Variants in ABAT observed in about 807,000 individuals in gnomAD.
ABAT encodes 4-aminobutyrate aminotransferase.
ABAT carries 45 observed loss-of-function variants against 64.6 expected under a neutral mutation model. That is an observed-to-expected ratio of 0.70 (90% confidence interval 0.55 to 0.89). ABAT has a LOEUF of 0.89. Among genes scored for constraint, ABAT ranks in the 40% least tolerant of loss-of-function variants. The pLI, the probability that ABAT is intolerant of heterozygous loss-of-function variation, is 0.00. For synonymous variants in ABAT, 297 were observed against 250.5 expected, an observed-to-expected ratio of 1.19 and a Z score of -1.75; for missense variants, 633 against 658.4, an observed-to-expected ratio of 0.96 and a Z score of 0.42.
At chr16:8,771,046 G>A (rs536805165) in intron 11 of ABAT, among the ~76,000 whole-genome samples, 38 of 151,996 alleles carry the variant, frequency 2.5e-4, no homozygotes, top group Non-Finnish European at 4.6e-4. Flanking sequence ...CTGTAACTGC[G>A]ACACTTTGGG....
In ABAT at chr16:8,764,723, T is replaced by A. The variant is rs2302608; in HGVS notation, c.448-15T>A. On this transcript the variant is annotated splice_polypyrimidine_tract_variant and intron_variant, in intron 7 of 15. Coordinates refer to ENST00000268251, the MANE Select transcript of ABAT (RefSeq NM_020686.6). The surrounding 1 kb of genome is among the most constrained non-coding windows in gnomAD (Gnocchi z 4.2). The stretch of plus-strand genomic sequence containing the variant: ...CATGATGAGCCTGGGCTCACGGCTA[T>A]TTCCCTCCCCACAGGTGGCTCCCAA... The A allele has an allele frequency of 0.91, 1,469,758 of 1,613,044 alleles. 671,654 individuals are homozygous for A. The highest frequency in any genetic ancestry group is 0.94 in the Admixed American group (56,213 of 60,008).
intron 6 of ABAT, among the ~76,000 whole-genome samples, chr16:8,759,719 T>C (rs911119356): frequency 3.9e-5 from 6 of 152,132 alleles, no homozygotes; most frequent in African/African-American, 1.2e-4. Flanking sequence ...TTTTCTTTTG[T>C]TTTTGGTAGA....
intron 1 of ABAT, among the ~76,000 whole-genome samples, chr16:8,707,382 G>A (rs1355222527): frequency 7.8e-6 from 1 of 127,910 alleles, no homozygotes; most frequent in Non-Finnish European, 1.6e-5. Context: ...GCGGAGACAG[G>A]GTTTCACTAT....
At chr16:8,737,521 T>A (rs2058983109) in intron 2 of ABAT, 2 of 151,216 alleles carry the variant, frequency 1.3e-5, no homozygotes, top group Admixed American at 6.6e-5. Context: ...TTAAAAATTT[T>A]AGATTTACAG....
intron 6 of ABAT, among the ~76,000 whole-genome samples, chr16:8,762,496 G>A (rs577517439): frequency 2.7e-4 from 41 of 152,308 alleles, no homozygotes; most frequent in African/African-American, 9.9e-4. Flanking sequence ...AGCCACTTAA[G>A]CCAAAGCCAA....
Position 8,781,069 on chromosome 16 carries a change from T to G in ABAT, c.1382-240T>G, listed in dbSNP as rs2143006781. On this transcript the variant is annotated intron_variant, in intron 15 of 15. Transcript: ENST00000268251. The surrounding 1 kb of genome is among the most constrained non-coding windows in gnomAD (Gnocchi z 4.5). ...GGGAGGGAGGAAGGGAAAAAGGAAG[T>G]GTGGAGGGAAGGAAAGGAAGAAGAG... Among the ~76,000 whole-genome samples, 1 of 149,738 alleles carries G rather than the reference T, an allele frequency of 6.7e-6. No individual in the cohort carries two copies. Among genetic ancestry groups the G allele is most frequent in the Admixed American group, 6.7e-5 (1 of 15,030 alleles).
At chr16:8,703,777 C>T (rs929286731) in intron 1 of ABAT, among the ~76,000 whole-genome samples, 1 of 152,132 alleles carries the variant, frequency 6.6e-6, no homozygotes, top group Non-Finnish European at 1.5e-5. Context: ...CATGGGGGAC[C>T]AGCAAACTGT....
At chr16:8,712,843 G>C (rs1011042210) in intron 1 of ABAT, 6 of 152,258 alleles carry the variant, frequency 3.9e-5, no homozygotes, top group Admixed American at 3.9e-4. Context: ...CGGTGATTTA[G>C]AACCAGTGTG....
At chr16:8,706,977 G>A (rs2057959741) in intron 1 of ABAT, among the ~76,000 whole-genome samples, 1 of 152,096 alleles carries the variant, frequency 6.6e-6, no homozygotes, top group South Asian at 2.1e-4. Flanking sequence ...TGCCCTCCCG[G>A]AATCAGAGGG....
chr16:8,764,682 G>A lies in ABAT; in HGVS notation c.448-56G>A. The A allele has an allele frequency of 6.6e-7, 1 of 1,507,568 alleles. No individual in the cohort carries two copies. The highest frequency in any genetic ancestry group is 9.2e-7 in the Non-Finnish European group (1 of 1,083,630). The allele number at this position is 1,507,568 out of a possible 1,614,324, so 93.4% of individuals were successfully genotyped here. A position where few individuals can be genotyped will look rare whatever the true frequency, so the allele number is the denominator to read the frequency against. On this transcript the variant is annotated intron_variant, in intron 7 of 15. Coordinates refer to ENST00000268251, the MANE Select transcript of ABAT (RefSeq NM_020686.6). The surrounding 1 kb of genome is among the most constrained non-coding windows in gnomAD (Gnocchi z 4.2). The stretch of plus-strand genomic sequence containing the variant: ...GAAGATTCAGCTCCAGCCAGGGGAA[G>A]CGGGAGGACAGGAGTCATGATGAGC...
At chr16:8,769,814 T>C (rs1393283187) in intron 11 of ABAT, among the ~76,000 whole-genome samples, 1 of 152,122 alleles carries the variant, frequency 6.6e-6, no homozygotes, top group Non-Finnish European at 1.5e-5. Flanking sequence ...AGGGAAGACA[T>C]TGGAAGTAAT....
chr16:8,764,144 C>T lies in ABAT; in HGVS notation c.442C>T (p.Leu148Phe). The change falls in exon 7 of 16, where the codon CTC (leucine) becomes TTC (phenylalanine). Residue 148 changes from leucine (L) to phenylalanine (F), a missense_variant. Physicochemically the swap from Leu to Phe is conservative, Grantham distance 22. Coordinates refer to ENST00000268251, the MANE Select transcript of ABAT (RefSeq NM_020686.6). This position sits in a 1 kb window ranked among gnomAD's most constrained non-coding sequence, Gnocchi z 4.2. The part of the protein sequence containing the change: ...NFVEKLRQSL[L>F]SVAPKGMSQL... Reference sequence around the variant, plus strand: ...TGTGGAGAAGCTCCGGCAGTCCTTGCTCTCGGTGAGTTCTGGAGAAGCAAT... The same window carrying T: ...TGTGGAGAAGCTCCGGCAGTCCTTGTTCTCGGTGAGTTCTGGAGAAGCAAT... 3.7e-6 allele frequency: 6 copies of T among 1,613,312 alleles called. No homozygotes were observed. The highest frequency in any genetic ancestry group is 5.1e-6 in the Non-Finnish European group (6 of 1,179,902).
At chr16:8,726,433 GT>G (rs111692206) in intron 1 of ABAT, among the ~76,000 whole-genome samples, 1 of 151,454 alleles carries the variant, frequency 6.6e-6, no homozygotes, top group South Asian at 2.1e-4. Flanking sequence ...GATGATTTTT[GT>G]TTTTTGTAGA....
intron 1 of ABAT, among the ~76,000 whole-genome samples, chr16:8,714,186 A>G (rs1052515210): frequency 7.2e-5 from 11 of 152,254 alleles, no homozygotes; most frequent in African/African-American, 2.7e-4. Flanking sequence ...GCTCTTATCA[A>G]TAGGCTTGCA....
At chr16:8,745,597 T>C (rs1040445484) in intron 2 of ABAT, among the ~76,000 whole-genome samples, 2 of 152,054 alleles carry the variant, frequency 1.3e-5, no homozygotes, top group Admixed American at 1.3e-4. Context: ...CTCAGGAGGC[T>C]GAGGCAGAAG....
intron 1 of ABAT, among the ~76,000 whole-genome samples, chr16:8,698,630 G>T (rs142146957): frequency 6.6e-6 from 1 of 151,578 alleles, no homozygotes; most frequent in African/African-American, 2.4e-5. Context: ...CACTGCGCCC[G>T]GCCTTCTGGC....
intron 1 of ABAT, among the ~76,000 whole-genome samples, chr16:8,680,344 T>C (rs760606861): frequency 1.3e-5 from 2 of 152,214 alleles, no homozygotes; most frequent in Non-Finnish European, 2.9e-5. Context: ...CAAGGAGCAT[T>C]GACTGAATGC....
Position 8,678,770 on chromosome 16 carries a change from A to AT in ABAT, c.-42+4063dup, listed in dbSNP as rs200807868. The stretch of plus-strand genomic sequence containing the variant: ...TGCATTCATGTGGGAGAATGAGTAG[A>AT]TTTTAGATGAATGAGGTGGATCCAC... On this transcript the variant is annotated intron_variant, in intron 1 of 15. Transcript: ENST00000268251. 1.2e-3 allele frequency among the ~76,000 whole-genome samples: 189 copies of AT among 152,296 alleles called. 2 individuals carry two copies. In the East Asian group the frequency reaches 0.036, roughly 29 times the overall value.
chr16:8,679,062 C>T (rs954003066), intron 1 of ABAT, among the ~76,000 whole-genome samples: 5 of 152,028 alleles, frequency 3.3e-5, no homozygotes, highest in African/African-American at 9.7e-5. Context: ...CTCACGTCTG[C>T]GATCCCAGCA....
Sources: gnomAD v4.1 joint callset for allele counts (sites outside exome capture counted in the v4.1 genomes callset) on GRCh38, gnomAD v4.1.1 for gene constraint, Gnocchi (gnomAD v3.1) non-coding constraint, MANE v1.5 for transcripts, NCBI Gene and HGNC (gene_info 2026-07-23, HGNC 2026-07-21) for gene names.